CCDC30: variants seen among roughly 807,000 people sequenced by gnomAD.
CCDC30 encodes coiled-coil domain containing 30, also known as coiled-coil domain-containing protein 30.
In CCDC30, 70 loss-of-function variants were observed where a neutral mutation model predicts 100.2. The observed-to-expected ratio is 0.70, with a 90% CI of 0.58 to 0.85. The LOEUF (loss-of-function observed/expected upper bound fraction) is 0.85. Ranked by LOEUF, CCDC30 falls within the 40% of genes least tolerant of loss-of-function variation. The pLI, the probability that CCDC30 is intolerant of heterozygous loss-of-function variation, is 0.00. For synonymous variants in CCDC30, 233 were observed against 269.5 expected, an observed-to-expected ratio of 0.86 and a Z score of 1.33; for missense variants, 652 against 771.2, an observed-to-expected ratio of 0.85 and a Z score of 1.83.
intron 6 of CCDC30, among the ~76,000 whole-genome samples, chr1:42,506,506 A>G (rs1264001061): frequency 6.6e-6 from 1 of 152,260 alleles, no homozygotes; most frequent in Non-Finnish European, 1.5e-5. Flanking sequence ...AATCTTAATT[A>G]TGATTAATAG....
chr1:42,507,896 A>G (rs1340397339), intron 6 of CCDC30, among the ~76,000 whole-genome samples: 1 of 152,020 alleles, frequency 6.6e-6, no homozygotes, highest in Non-Finnish European at 1.5e-5. Context: ...ATAATCTTGA[A>G]GACTTTTTTA....
intron 11 of CCDC30, among the ~76,000 whole-genome samples, chr1:42,614,870 G>C (rs995624664): frequency 6.6e-6 from 1 of 151,760 alleles, no homozygotes; most frequent in African/African-American, 2.4e-5. Context: ...TGCACCTACT[G>C]CTTCTCCCAT....
chr1:42,643,090 A>T (rs1647593289), intron 13 of CCDC30, among the ~76,000 whole-genome samples: 1 of 152,226 alleles, frequency 6.6e-6, no homozygotes, highest in Non-Finnish European at 1.5e-5. Flanking sequence ...GACTTTCATT[A>T]TAATCAAAGA....
intron 1 of CCDC30, among the ~76,000 whole-genome samples, chr1:42,475,942 A>G (rs1157694828): frequency 6.6e-6 from 1 of 152,176 alleles, no homozygotes; most frequent in Non-Finnish European, 1.5e-5. Context: ...ACAGATTAAC[A>G]GGAGAAAAGC....
chr1:42,497,325 C>G (rs541855223), intron 5 of CCDC30, 112 bp downstream of exon 5: 1 of 487,872 alleles, frequency 2.0e-6, no homozygotes, highest in Non-Finnish European at 3.2e-6. Context: ...GGGACCAATA[C>G]TGGTGGCTGT....
At chr1:42,616,982 C>T (rs1646738457) in intron 11 of CCDC30, among the ~76,000 whole-genome samples, 1 of 152,070 alleles carries the variant, frequency 6.6e-6, no homozygotes, top group African/African-American at 2.4e-5. Context: ...TGGGAAAATG[C>T]TTATACTGTA....
Position 42,553,704 on chromosome 1 carries a change from G to A in CCDC30, c.457-12592G>A, listed in dbSNP as rs1415393715. On this transcript the variant is annotated intron_variant, in intron 6 of 16. Coordinates refer to ENST00000668663, the Ensembl canonical transcript of CCDC30. ...ACACACACACACACGGTATACATTT[G>A]CATTTTCCCAGTCTTAATGTGTGTC... Among the ~76,000 whole-genome samples the A allele has an allele frequency of 2.1e-5, 3 of 144,478 alleles. No homozygotes were observed. In the East Asian group the frequency reaches 6.1e-4, roughly 29 times the overall value. 94.8% of individuals were successfully genotyped at this position (144,478 alleles called of 152,430 possible).
rs775196962 is a variant in CCDC30 at position 42,611,101 on chromosome 1, A to T, written c.1277+11A>T. 2.0e-6 allele frequency: 3 copies of T among 1,488,224 alleles called. No individual in the cohort carries two copies. In the East Asian group the frequency reaches 6.8e-5, roughly 34 times the overall value. The allele number at this position is 1,488,224 out of a possible 1,614,324, so 92.2% of individuals were successfully genotyped here. A position where few individuals can be genotyped will look rare whatever the true frequency, so the allele number is the denominator to read the frequency against. ...TAATGTCCATGTGAGGTAAACAAAG[A>T]CAAGTTCTCTTTGGAAGAAAACTAT... is the stretch of plus-strand genomic sequence containing the variant. On this transcript the variant is annotated intron_variant, in intron 11 of 16. Coordinates refer to ENST00000668663, the Ensembl canonical transcript of CCDC30.
intron 6 of CCDC30, among the ~76,000 whole-genome samples, chr1:42,543,141 T>G (rs2148530519): frequency 6.6e-6 from 1 of 151,944 alleles, no homozygotes; most frequent in African/African-American, 2.4e-5. Context: ...GCCCAGCTAA[T>G]TTTTTGTATT....
upstream of CCDC30, chr1:42,459,558 T>C: frequency 6.7e-7 from 1 of 1,498,742 alleles, no homozygotes; most frequent in African/African-American, 1.4e-5. Flanking sequence ...ACCTGGTAGG[T>C]AATGACCATT....
intron 11 of CCDC30, among the ~76,000 whole-genome samples, chr1:42,627,481 A>G (rs932183115): frequency 2.0e-5 from 3 of 152,224 alleles, no homozygotes; most frequent in Non-Finnish European, 4.4e-5. Context: ...CAAGAAGCCT[A>G]ATGTTAATCC....
chr1:42,519,664 G>T (rs1644606161), intron 6 of CCDC30, among the ~76,000 whole-genome samples: 1 of 152,140 alleles, frequency 6.6e-6, no homozygotes, highest in Admixed American at 6.5e-5. Flanking sequence ...CAATTCTCCT[G>T]CCTCAGGCTC....
chr1:42,470,476 G>T (rs920096466), intron 1 of CCDC30, among the ~76,000 whole-genome samples: 7 of 152,070 alleles, frequency 4.6e-5, no homozygotes, highest in Non-Finnish European at 7.4e-5. Flanking sequence ...ATACCCCAAA[G>T]AATTGAAAAC....
intron 11 of CCDC30, among the ~76,000 whole-genome samples, chr1:42,629,901 G>A (rs143461749): frequency 0.024 from 3,586 of 148,392 alleles, 119 homozygotes; most frequent in African/African-American, 0.08. Context: ...GGCGTGAGCC[G>A]CTGCATGGGC....
chr1:42,468,287 C>G (rs1277487385), intron 1 of CCDC30, among the ~76,000 whole-genome samples: 1 of 152,236 alleles, frequency 6.6e-6, no homozygotes, highest in Non-Finnish European at 1.5e-5. Context: ...GATTTCTTCT[C>G]TCCTGATATT....
intron 8 of CCDC30, among the ~76,000 whole-genome samples, chr1:42,579,823 C>T (rs1645924622): frequency 6.6e-6 from 1 of 151,780 alleles, no homozygotes; most frequent in Non-Finnish European, 1.5e-5. Flanking sequence ...TAGTGAGACC[C>T]TATCTCTACA....
intron 6 of CCDC30, chr1:42,556,341 A>G (rs760040293): frequency 3.7e-6 from 6 of 1,614,170 alleles, no homozygotes; most frequent in Non-Finnish European, 5.1e-6. Flanking sequence ...GAGCTGAGCC[A>G]TATAAATCAG....
In CCDC30 at chr1:42,475,326, C is replaced by A. The variant is rs1322143839; in HGVS notation, c.-91-5135C>A. Among the ~76,000 whole-genome samples, 3 of 152,086 alleles carry A rather than the reference C, an allele frequency of 2.0e-5. No homozygotes were observed. In the South Asian group the frequency reaches 6.2e-4, roughly 32 times the overall value. On this transcript the variant is annotated intron_variant, in intron 1 of 16. Transcript: ENST00000668663. ...CCTTTAATATGGATTAAAATATGAG[C>A]CATGGACTAAAAGTAAGAAAATGTG...
In CCDC30 at chr1:42,596,753, AC is replaced by A. The variant is rs200966150; in HGVS notation, c.1164+7271del. 0.022 allele frequency among the ~76,000 whole-genome samples: 1,961 copies of A among 90,602 alleles called. 20 individuals are homozygous for A. Among genetic ancestry groups the A allele is most frequent in the Admixed American group, 0.052 (521 of 10,070 alleles). The allele number at this position is 90,602 out of a possible 152,430, so 59.4% of individuals were successfully genotyped here. On this transcript the variant is annotated intron_variant, in intron 10 of 16. Transcript: ENST00000668663. This position sits in a 1 kb window ranked among gnomAD's most constrained non-coding sequence, Gnocchi z 4.3. ...AAAAGGCAAAAAAACAAACAAACAAACAAACAAAAACAGTTTGAACAGACAG... is the reference window on the plus strand; with the variant it reads ...AAAAGGCAAAAAAACAAACAAACAAAAAACAAAAACAGTTTGAACAGACAG...
Sources: allele counts gnomAD v4.1 joint callset (sites outside exome capture counted in the v4.1 genomes callset), GRCh38; gene constraint gnomAD v4.1.1; non-coding constraint Gnocchi (gnomAD v3.1); transcripts MANE v1.5; gene names NCBI Gene and HGNC (gene_info 2026-07-23, HGNC 2026-07-21).